The following NLRP2 variants were observed in gnomAD, a reference collection of about 807,000 sequenced individuals.
NLRP2 encodes the protein NACHT, LRR and PYD domains-containing protein 2.
In NLRP2, 107 loss-of-function variants were observed where a neutral mutation model predicts 97.2. That is an observed-to-expected ratio of 1.10 (90% CI 0.94 to 1.29). The LOEUF (loss-of-function observed/expected upper bound fraction) is 1.29, where lower values mean the gene tolerates loss of function less well. NLRP2 is among the 50% of genes most tolerant of loss of function. NLRP2 has a pLI of 0.00. For synonymous variants in NLRP2, 663 were observed against 551.5 expected (o/e 1.20, Z -2.83); for missense variants, 1,495 against 1,330.3 (o/e 1.12, Z -1.93).
intron 10 of NLRP2, among the ~76,000 whole-genome samples, chr19:54,991,985 C>T (rs145346127): frequency 7.2e-6 from 1 of 139,778 alleles, no homozygotes; most frequent in African/African-American, 2.6e-5. Flanking sequence ...ATGGCATGAT[C>T]TAGGCTCACT....
intron 12 of NLRP2, among the ~76,000 whole-genome samples, chr19:55,000,199 C>T (rs996606647): frequency 2.7e-5 from 4 of 146,680 alleles, no homozygotes; most frequent in Non-Finnish European, 4.5e-5. Context: ...ATGGCTTGAA[C>T]CCAAGAGGCA....
chr19:54,979,438 G>A (rs2071436017), intron 4 of NLRP2, among the ~76,000 whole-genome samples: 2 of 151,908 alleles, frequency 1.3e-5, no homozygotes, highest in East Asian at 1.9e-4. Context: ...CACCTCCCAG[G>A]TTCAAGTGAT....
intron 10 of NLRP2, chr19:54,993,797 A>T: frequency 3.8e-6 from 1 of 262,102 alleles, no homozygotes; most frequent in South Asian, 4.7e-5. Flanking sequence ...TGAAACCAGG[A>T]GGCGGAGGTT....
chr19:54,994,075 C>A lies in NLRP2; in HGVS notation c.2709-194C>A, dbSNP rs558422893. On this transcript the variant is annotated intron_variant, in intron 10 of 12. Coordinates refer to ENST00000448584, the MANE Select transcript of NLRP2 (RefSeq NM_017852.5). ...ACCTCTACGAGGTCCCTTTTGCTCG[C>A]AGGTGCCAGGAGTTGGGACTTGGAC... 85 of 667,246 alleles carry A rather than the reference C, an allele frequency of 1.3e-4. 1 individual carries two copies. The African/African-American group carries it at 1.5e-3, about 12-fold the overall frequency. The allele number at this position is 667,246 out of a possible 1,614,324, so 41.3% of individuals were successfully genotyped here. A position where few individuals can be genotyped will look rare whatever the true frequency, so the allele number is the denominator to read the frequency against.
chr19:54,997,356 C>A lies in NLRP2; in HGVS notation c.2919C>A (p.Asp973Glu). 6.2e-7 allele frequency: 1 copy of A among 1,614,110 alleles called. No individual in the cohort carries two copies. The highest frequency in any genetic ancestry group is 8.5e-7 in the Non-Finnish European group (1 of 1,180,032). Residue 973 changes from aspartate (D) to glutamate (E), a missense_variant, in exon 12 of 13, where the codon GAC becomes GAA. Transcript: ENST00000448584. ...GCSIPPFSCE[D>E]LCSALSCNQS... ...CCATCCCTCCGTTCAGTTGTGAAGA[C>A]CTCTGCTCTGCCCTCAGCTGCAACC...
rs780903857 is a variant in NLRP2 at position 54,986,364 on chromosome 19, C to T, written c.2366+49C>T. On this transcript the variant is annotated intron_variant, in intron 8 of 12. Transcript: ENST00000448584. ...CCTTCATCATACAAACATAAGCTACCACAAGCTTATGTGGCAATTTTGTGT... is the reference window on the plus strand; with the variant it reads ...CCTTCATCATACAAACATAAGCTACTACAAGCTTATGTGGCAATTTTGTGT... 5.9e-6 allele frequency: 9 copies of T among 1,535,174 alleles called. No individual in the cohort carries two copies. The East Asian group carries it at 1.1e-4, about 19-fold the overall frequency.
intron 4 of NLRP2, 103 bp from the exon 5 acceptor site, chr19:54,981,514 C>CA: frequency 4.1e-5 from 11 of 266,622 alleles, no homozygotes; most frequent in South Asian, 2.2e-4. Flanking sequence ...CCCGTGCCCC[C>CA]CCTCCCCCCC....
chr19:54,968,955 C>G (rs1007001798), intron 1 of NLRP2, among the ~76,000 whole-genome samples: 4 of 151,954 alleles, frequency 2.6e-5, no homozygotes, highest in East Asian at 1.9e-4. Flanking sequence ...CCCGCCTCGG[C>G]CTCCCAAAGT....
At chr19:54,967,840 T>G (rs2070563972) in intron 1 of NLRP2, among the ~76,000 whole-genome samples, 1 of 152,094 alleles carries the variant, frequency 6.6e-6, no homozygotes, top group Non-Finnish European at 1.5e-5. Flanking sequence ...CTATGCCAGT[T>G]GCCATTCTCA....
chr19:54,981,695 T>C lies in NLRP2; in HGVS notation c.463+13T>C, dbSNP rs1488541755. 1.4e-6 allele frequency: 2 copies of C among 1,420,380 alleles called. No individual in the cohort carries two copies. Among genetic ancestry groups the C allele is most frequent in the Non-Finnish European group, 2.0e-6 (2 of 1,003,010 alleles). The allele number at this position is 1,420,380 out of a possible 1,614,324, so 88.0% of individuals were successfully genotyped here. On this transcript the variant is annotated intron_variant, in intron 5 of 12. Transcript: ENST00000448584. ...GGAAAAAAGCCAGGTCTGTACCATA[T>C]CTTCCTGCAGGGAGCTTGGGATCAG... is the stretch of plus-strand genomic sequence containing the variant.
intron 2 of NLRP2, chr19:54,973,898 G>A (rs1279218707): frequency 1.5e-5 from 10 of 686,598 alleles, no homozygotes; most frequent in Non-Finnish European, 2.7e-5. Flanking sequence ...ACAAGGCAAG[G>A]ATTCTTGGTA....
chr19:54,986,304 G>A lies in NLRP2; in HGVS notation c.2355G>A (p.Leu785=). The change falls in exon 8 of 13, where the codon CTG becomes CTA. Residue 785 remains leucine (L), a synonymous_variant. Transcript: ENST00000448584. ...TCTTGAGACATCCAGAATGTAACCT[G>A]CGATATCTCGGGTATATCTCTTAAT... ...CEVLRHPECN[L]RYLGLVSCSA... 1 of 1,613,700 alleles carries A rather than the reference G, an allele frequency of 6.2e-7. No individual in the cohort carries two copies. The highest frequency in any genetic ancestry group is 2.2e-5 in the East Asian group (1 of 44,874).
At position 54,983,679 on chromosome 19, in the gene NLRP2, A is replaced by T. The variant is rs1397406502; in HGVS notation, c.1981A>T (p.Asn661Tyr). Residue 661 changes from asparagine to tyrosine, a missense_variant, in exon 6 of 13, where the codon AAT becomes TAT. Transcript: ENST00000448584. Reference sequence around the variant, plus strand: ...AATGTCACTGCAGGTAATAAAGGAGAATCTCCCGGAGAATGTCACTGCGTC... The same window carrying T: ...AATGTCACTGCAGGTAATAAAGGAGTATCTCCCGGAGAATGTCACTGCGTC... Reference protein sequence around the residue: ...QKMSLQVIKENLPENVTASES... With the variant: ...QKMSLQVIKEYLPENVTASES... 1.2e-6 allele frequency: 2 copies of T among 1,613,788 alleles called. No homozygotes were observed. The highest frequency in any genetic ancestry group is 3.3e-5 in the Admixed American group (2 of 59,998).
chr19:54,974,130 C>T (rs747631912), intron 2 of NLRP2: 24 of 672,020 alleles, frequency 3.6e-5, no homozygotes, highest in East Asian at 1.6e-4. Flanking sequence ...CCGAGGTGGG[C>T]GGATCACAAG....
rs1170340836 is a variant in NLRP2, at chr19:54,977,799, G to A, written c.373G>A (p.Glu125Lys). Residue 125 changes from glutamate (E) to lysine (K), a missense_variant, in exon 4 of 13, where the codon GAG becomes AAG. Coordinates refer to ENST00000448584, the MANE Select transcript of NLRP2 (RefSeq NM_017852.5). ...RPPLDVDEML[E>K]RFKTEAQAFT... Reference sequence around the variant, plus strand: ...ACCTCTAGACGTGGACGAAATGCTGGAGCGCTTCAAAACAGAAGCACAAGG... The same window carrying A: ...ACCTCTAGACGTGGACGAAATGCTGAAGCGCTTCAAAACAGAAGCACAAGG... The A allele has an allele frequency of 6.2e-7, 1 of 1,613,752 alleles. No individual in the cohort carries two copies. Among genetic ancestry groups the A allele is most frequent in the Non-Finnish European group, 8.5e-7 (1 of 1,180,012 alleles).
intron 10 of NLRP2, chr19:54,993,423 C>T (rs968301144): frequency 2.0e-5 from 3 of 152,068 alleles, no homozygotes; most frequent in African/African-American, 7.3e-5. Flanking sequence ...GTTTAGAACT[C>T]TATTGAGACA....
At position 54,976,810 on chromosome 19, in the gene NLRP2, CTCTTTT is replaced by C. The variant is rs1346799926; in HGVS notation, c.326-940_326-935del. On this transcript the variant is annotated intron_variant, in intron 3 of 12. Transcript: ENST00000448584. ...TTATTAGGATTCCACCTTGTTCTCTCTCTTTTTTTTTTTTTTTTTGATACGGAGTCT... is the reference window on the plus strand; with the variant it reads ...TTATTAGGATTCCACCTTGTTCTCTCTTTTTTTTTTTTTGATACGGAGTCT... 4.0e-3 allele frequency: 1,277 copies of C among 320,352 alleles called. 108 individuals carry two copies. In the African/African-American group the frequency reaches 0.041, roughly 10 times the overall value. The allele number at this position is 320,352 out of a possible 1,614,324, so 19.8% of individuals were successfully genotyped here.
At position 54,989,570 on chromosome 19, in the gene NLRP2, G is replaced by A. The variant is rs147880979; in HGVS notation, c.2367-452G>A. The A allele has an allele frequency of 2.8e-3, 674 of 243,646 alleles. 1 individual carries two copies. Among genetic ancestry groups the A allele is most frequent in the African/African-American group, 0.014 (625 of 44,854 alleles). 15.1% of individuals were successfully genotyped at this position (243,646 alleles called of 1,614,324 possible). On this transcript the variant is annotated intron_variant, in intron 8 of 12. Coordinates refer to ENST00000448584, the MANE Select transcript of NLRP2 (RefSeq NM_017852.5). ...CTGTATTTCCAGCTGATTCCTGGGC[G>A]ATGTTGGTGCCACTGGTCTGACCAC...
chr19:54,982,985 C>T lies in NLRP2; in HGVS notation c.1287C>T (p.Phe429=), dbSNP rs2071717486. 2 of 1,611,010 alleles carry T rather than the reference C, an allele frequency of 1.2e-6. No homozygotes were observed. Among genetic ancestry groups the T allele is most frequent in the East Asian group, 4.5e-5 (2 of 44,822 alleles). ...VPTCLTRTGL[F]LRFLCSRFPQ... is the part of the protein sequence containing the mutation. Reference sequence around the variant, plus strand: ...CCTGCCTCACCCGCACGGGGCTGTTCCTGCGTTTCCTCTGCAGCCGGTTCC... The same window carrying T: ...CCTGCCTCACCCGCACGGGGCTGTTTCTGCGTTTCCTCTGCAGCCGGTTCC... Residue 429 remains phenylalanine (F), a synonymous_variant, in exon 6 of 13, where the codon TTC becomes TTT. Transcript: ENST00000448584.
Sources: gnomAD v4.1 joint callset for allele counts (sites outside exome capture counted in the v4.1 genomes callset) on GRCh38, gnomAD v4.1.1 for gene constraint, MANE v1.5 for transcripts, NCBI Gene and HGNC (gene_info 2026-07-23, HGNC 2026-07-21) for gene names.